BIVM: variants seen among roughly 807,000 people sequenced by gnomAD.
BIVM encodes the protein basic immunoglobulin-like variable motif-containing protein.
Under a neutral mutation model 61.4 loss-of-function variants are expected in BIVM, and 31 were observed. The ratio of observed to expected loss-of-function variants is 0.51; its 90% CI spans 0.38 to 0.68. BIVM has a LOEUF of 0.68. Among genes scored for constraint, BIVM ranks in the 30% least tolerant of loss-of-function variants. BIVM has a pLI of 0.00. For synonymous variants in BIVM, 189 were observed against 210.7 expected (o/e 0.90, Z 0.89); for missense variants, 526 against 596.0 (o/e 0.88, Z 1.22).
chr13:102,820,522 A>G (rs753580173), intron 4 of BIVM: 1 of 157,050 alleles, frequency 6.4e-6, no homozygotes, highest in Non-Finnish European at 1.4e-5. Flanking sequence ...GAATCATGCC[A>G]TGGAAGGATT....
chr13:102,812,098 C>T (rs1216810287), intron 3 of BIVM, among the ~76,000 whole-genome samples: 1 of 151,926 alleles, frequency 6.6e-6, no homozygotes, highest in Non-Finnish European at 1.5e-5. Flanking sequence ...TCCTCATACT[C>T]AATTATTTCA....
intron 5 of BIVM, among the ~76,000 whole-genome samples, 164 bp downstream of exon 5, chr13:102,821,296 C>A (rs986680161): frequency 2.6e-5 from 4 of 152,032 alleles, no homozygotes; most frequent in Non-Finnish European, 5.9e-5. Flanking sequence ...GTATTATTTT[C>A]AGTGAAATAA....
chr13:102,813,411 T>C (rs1295909617), intron 3 of BIVM, among the ~76,000 whole-genome samples: 1 of 152,224 alleles, frequency 6.6e-6, no homozygotes, highest in African/African-American at 2.4e-5. Context: ...TTTCCATCTA[T>C]TTATTTTAGT....
intron 9 of BIVM, among the ~76,000 whole-genome samples, chr13:102,837,224 G>A (rs1881536692): frequency 6.6e-6 from 1 of 152,152 alleles, no homozygotes; most frequent in Non-Finnish European, 1.5e-5. Flanking sequence ...GCTGCAGTGA[G>A]CTGAGATTGC....
chr13:102,808,698 T>A (rs1349023844), intron 3 of BIVM, among the ~76,000 whole-genome samples: 1 of 152,060 alleles, frequency 6.6e-6, no homozygotes, highest in African/African-American at 2.4e-5. Context: ...TTGGGAAGTG[T>A]TTTTTCCTCC....
intron 1 of BIVM, among the ~76,000 whole-genome samples, chr13:102,802,240 A>G (rs765482695): frequency 3.3e-5 from 5 of 152,212 alleles, no homozygotes; most frequent in Non-Finnish European, 7.3e-5. Context: ...CTGCCTCTCT[A>G]TAGCTCAGTA....
chr13:102,839,260 T>C (rs1423722888), intron 10 of BIVM, among the ~76,000 whole-genome samples: 1 of 152,134 alleles, frequency 6.6e-6, no homozygotes, highest in Non-Finnish European at 1.5e-5. Context: ...ATATGAAGAA[T>C]AGGAGAGAGA....
intron 7 of BIVM, among the ~76,000 whole-genome samples, chr13:102,825,044 G>A (rs914608064): frequency 2.0e-5 from 3 of 151,992 alleles, no homozygotes; most frequent in Non-Finnish European, 2.9e-5. Flanking sequence ...CTGGGTTCAC[G>A]CTATTCTCCT....
chr13:102,816,759 G>T (rs1454920168), intron 4 of BIVM: 3 of 368,998 alleles, frequency 8.1e-6, no homozygotes, highest in Non-Finnish European at 8.5e-6. Context: ...CCCAAACTCG[G>T]CTTATTATTA....
chr13:102,815,093 G>A (rs1000550749), intron 3 of BIVM, among the ~76,000 whole-genome samples: 5 of 151,984 alleles, frequency 3.3e-5, no homozygotes, highest in Non-Finnish European at 4.4e-5. Flanking sequence ...AAAGGAAGGC[G>A]AAACATTGTT....
chr13:102,816,853 AT>A (rs1465534775), intron 4 of BIVM: 1 of 166,116 alleles, frequency 6.0e-6, no homozygotes, highest in Non-Finnish European at 1.3e-5. Flanking sequence ...TTAGCTTTTC[AT>A]TGCTGAAGAA....
intron 7 of BIVM, among the ~76,000 whole-genome samples, chr13:102,827,609 C>G (rs567376766): frequency 2.6e-5 from 4 of 152,214 alleles, no homozygotes; most frequent in South Asian, 4.1e-4. Flanking sequence ...CTGATATGTT[C>G]CTTGGCCACC....
rs1450502632 is a variant in BIVM at position 102,833,332 on chromosome 13, T to TTTTTTTTTTG, written c.1035-1125_1035-1124insGTTTTTTTTT. ...TGGTCATGGGGATAGGATGGGTTTT[T>TTTTTTTTTTG]TTTTTTTTTTTTTGAGACAAGGCCT... On this transcript the variant is annotated intron_variant, in intron 8 of 10. Coordinates refer to ENST00000257336, the MANE Select transcript of BIVM (RefSeq NM_017693.4). Among the ~76,000 whole-genome samples, 2 of 129,886 alleles carry TTTTTTTTTTG rather than the reference T, an allele frequency of 1.5e-5. 1 individual carries two copies. Among genetic ancestry groups the TTTTTTTTTTG allele is most frequent in the Non-Finnish European group, 3.5e-5 (2 of 57,808 alleles). 85.2% of individuals were successfully genotyped at this position (129,886 alleles called of 152,430 possible).
At chr13:102,825,419 C>T (rs75785955) in intron 7 of BIVM, among the ~76,000 whole-genome samples, 3,392 of 152,174 alleles carry the variant, frequency 0.022, 135 homozygotes, top group African/African-American at 0.077. Context: ...TGATTTTTAA[C>T]AATGTAAAAA....
intron 3 of BIVM, among the ~76,000 whole-genome samples, chr13:102,814,983 G>A (rs576693342): frequency 1.5e-4 from 23 of 152,250 alleles, no homozygotes; most frequent in African/African-American, 5.3e-4. Context: ...GGCAGAGGTT[G>A]CAATGAGTGG....
chr13:102,802,266 C>CT (rs1878795412), intron 1 of BIVM, among the ~76,000 whole-genome samples: 1 of 152,076 alleles, frequency 6.6e-6, no homozygotes, highest in African/African-American at 2.4e-5. Context: ...TATAATGATT[C>CT]TGTTATTAGT....
chr13:102,803,094 G>A (rs978917280), intron 1 of BIVM, among the ~76,000 whole-genome samples: 1 of 151,096 alleles, frequency 6.6e-6, no homozygotes, highest in African/African-American at 2.4e-5. Flanking sequence ...AGGCTGAGGC[G>A]GGAGGATTGC....
chr13:102,804,787 A>T (rs2139140532), intron 1 of BIVM, among the ~76,000 whole-genome samples: 1 of 152,300 alleles, frequency 6.6e-6, no homozygotes, highest in African/African-American at 2.4e-5. Flanking sequence ...AATAGAGAAA[A>T]AGCATGCTTT....
Position 102,831,625 on chromosome 13 carries a change from A to G in BIVM, c.962A>G (p.Tyr321Cys). ...AAAGATGAATCGCTGGCTTATATCT[A>G]TCATTGCCAAAATCATTATTTTTGT... ...GLKDESLAYI[Y>C]HCQNHYFCPI... Residue 321 changes from tyrosine (Y) to cysteine (C), a missense_variant, in exon 8 of 11, where the codon TAT (tyrosine) becomes TGT (cysteine). Physicochemically the swap from Tyr to Cys is radical, Grantham distance 194. Transcript: ENST00000257336. 5 of 1,614,218 alleles carry G rather than the reference A, an allele frequency of 3.1e-6. No individual in the cohort carries two copies. Among genetic ancestry groups the G allele is most frequent in the Admixed American group, 1.7e-5 (1 of 60,030 alleles).
Sources: allele counts gnomAD v4.1 joint callset (sites outside exome capture counted in the v4.1 genomes callset), GRCh38; gene constraint gnomAD v4.1.1; transcripts MANE v1.5; gene names NCBI Gene and HGNC (gene_info 2026-07-23, HGNC 2026-07-21).